Variants in ZFHX3 observed in about 807,000 individuals in gnomAD.
ZFHX3 encodes the protein zinc finger homeobox protein 3.
A neutral mutation model predicts 279.1 loss-of-function variants in ZFHX3; 42 were observed. That is an observed-to-expected ratio of 0.15 (90% CI 0.12 to 0.19). The LOEUF (loss-of-function observed/expected upper bound fraction) is 0.19. Ranked by LOEUF, ZFHX3 falls within the 10% of genes least tolerant of loss-of-function variation. The pLI is 1.00. For missense variants in ZFHX3, 4,981 were observed against 4,754.0 expected, an observed-to-expected ratio of 1.05 and a Z score of -1.40; for synonymous variants, 2,293 against 1,957.8, an observed-to-expected ratio of 1.17 and a Z score of -4.52.
chr16:73,101,825 C>T, intron 7 of ZFHX3, among the ~76,000 whole-genome samples: 1 of 151,968 alleles, frequency 6.6e-6, no homozygotes, highest in Non-Finnish European at 1.5e-5. Flanking sequence ...CCTTCCAGTC[C>T]TCTGCACCCA....
chr16:73,832,103 G>C (rs894042076), intron 1 of ZFHX3, among the ~76,000 whole-genome samples: 13 of 152,156 alleles, frequency 8.5e-5, no homozygotes, highest in Admixed American at 3.3e-4. Flanking sequence ...GTTTCACCAT[G>C]TTGGTCAGGC....
chr16:73,765,434 A>G (rs1040052348), intron 1 of ZFHX3, among the ~76,000 whole-genome samples: 1 of 152,228 alleles, frequency 6.6e-6, no homozygotes, highest in African/African-American at 2.4e-5. Flanking sequence ...CTACCTGTGA[A>G]GAGAATATCC....
chr16:73,887,280 A>G (rs531014447), intron 1 of ZFHX3, among the ~76,000 whole-genome samples: 2 of 152,196 alleles, frequency 1.3e-5, no homozygotes. Flanking sequence ...CAAACGAGAG[A>G]TTTTGGCAGG....
intron 1 of ZFHX3, among the ~76,000 whole-genome samples, chr16:73,842,845 C>T (rs1961348397): frequency 6.6e-6 from 1 of 152,164 alleles, no homozygotes; most frequent in South Asian, 2.1e-4. Flanking sequence ...CCACCGCCAC[C>T]TCCCATGCCC....
rs138659575 is a variant in ZFHX3 at position 73,226,422 on chromosome 16, G to A, written c.-1104+30625C>T. 1.9e-3 allele frequency among the ~76,000 whole-genome samples: 297 copies of A among 152,362 alleles called. 2 individuals carry two copies. Among genetic ancestry groups the A allele is most frequent in the African/African-American group, 6.7e-3 (278 of 41,598 alleles). On this transcript the variant is annotated intron_variant, in intron 5 of 17. Coordinates refer to the ZFHX3 transcript ENST00000641206. ...TAAAGCGCATGCTATTTTAAAAAGT[G>A]CGCTCCTGCTTTAGTCAACATTTAA...
chr16:73,055,651 G>A (rs141805015), intron 1 of ZFHX3, among the ~76,000 whole-genome samples: 1,549 of 151,290 alleles, frequency 0.01, 9 homozygotes, highest in Middle Eastern at 0.031. Context: ...GACTCCCCCA[G>A]TGAAGACACC....
At chr16:73,000,480 A>G (rs918454527) in intron 1 of ZFHX3, among the ~76,000 whole-genome samples, 2 of 152,198 alleles carry the variant, frequency 1.3e-5, no homozygotes, top group Non-Finnish European at 2.9e-5. Flanking sequence ...GCTCAACCCA[A>G]TAGAGTATCC....
intron 2 of ZFHX3, among the ~76,000 whole-genome samples, chr16:73,587,769 T>A (rs2051942706): frequency 6.6e-6 from 1 of 152,218 alleles, no homozygotes; most frequent in Non-Finnish European, 1.5e-5. Flanking sequence ...TAAAATGAAA[T>A]ATATCATGTA....
intron 1 of ZFHX3, among the ~76,000 whole-genome samples, chr16:73,876,855 A>T (rs548685213): frequency 4.1e-4 from 62 of 152,192 alleles, no homozygotes; most frequent in African/African-American, 1.4e-3. Flanking sequence ...CCACCTTCAC[A>T]CACAGACACA....
intron 3 of ZFHX3, among the ~76,000 whole-genome samples, chr16:72,944,415 C>G (rs1960562523): frequency 6.6e-6 from 1 of 152,152 alleles, no homozygotes; most frequent in Non-Finnish European, 1.5e-5. Context: ...GAAAAGAGCA[C>G]AAAATATCAA....
chr16:73,177,365 G>A (rs906307733), intron 5 of ZFHX3, among the ~76,000 whole-genome samples: 8 of 152,170 alleles, frequency 5.3e-5, no homozygotes, highest in East Asian at 1.9e-4. Context: ...GAAAACTTGC[G>A]GAACAAAAGA....
intron 3 of ZFHX3, among the ~76,000 whole-genome samples, chr16:72,920,072 C>A (rs893166975): frequency 3.3e-5 from 5 of 151,942 alleles, no homozygotes; most frequent in African/African-American, 1.2e-4. Context: ...GGATTACAGG[C>A]ATGAGCTACT....
intron 2 of ZFHX3, among the ~76,000 whole-genome samples, chr16:73,618,070 T>A (rs887177761): frequency 2.0e-5 from 3 of 152,302 alleles, no homozygotes; most frequent in African/African-American, 7.2e-5. Flanking sequence ...ATCCACAGGG[T>A]CTTCTTGTGC....
intron 9 of ZFHX3, among the ~76,000 whole-genome samples, chr16:72,792,123 CCAGAGAAGATGTGAGGA>C (rs914752651): frequency 1.3e-5 from 2 of 152,012 alleles, no homozygotes; most frequent in African/African-American, 2.4e-5. Context: ...ATGGCTGGAT[CCAGAGAAGATGTGAGGA>C]CAGAGAAGGA....
rs756496308 is a variant in ZFHX3 at position 72,796,391 on chromosome 16, G to A, written c.6291C>T (p.Phe2097=). 1.7e-5 allele frequency: 28 copies of A among 1,613,246 alleles called. No homozygotes were observed. Among genetic ancestry groups the A allele is most frequent in the Non-Finnish European group, 1.7e-6 (2 of 1,180,028 alleles). ...GCATCGTCTGCATCATCAGCGGCGA[G>A]AAGATGGGCAGCTCCATCGGCATGG... ...QLSMPMELPI[F]SPLMMQTMPL... Residue 2097 remains phenylalanine (F), a synonymous_variant, in exon 9 of 10, where the codon TTC becomes TTT. Coordinates refer to ENST00000268489, the MANE Select transcript of ZFHX3 (RefSeq NM_006885.4).
At position 73,873,575 on chromosome 16, in the gene ZFHX3, G is replaced by GA. The variant is rs58640251; in HGVS notation, c.-1608+18075dup. 9.0e-4 allele frequency among the ~76,000 whole-genome samples: 137 copies of GA among 151,722 alleles called. 1 individual carries two copies. The highest frequency in any genetic ancestry group is 3.4e-3 in the Middle Eastern group (1 of 294). Reference sequence around the variant, plus strand: ...TATCACTGTTTTTACTTTTTACAGAGAAAAAAAACATATTTACCTTTAACA... The same window carrying GA: ...TATCACTGTTTTTACTTTTTACAGAGAAAAAAAAACATATTTACCTTTAACA... On this transcript the variant is annotated intron_variant, in intron 1 of 17. Coordinates refer to the ZFHX3 transcript ENST00000641206.
At chr16:73,461,060 G>C (rs2018462958) in intron 2 of ZFHX3, among the ~76,000 whole-genome samples, 1 of 152,202 alleles carries the variant, frequency 6.6e-6, no homozygotes, top group African/African-American at 2.4e-5. Context: ...AACCTTGCCA[G>C]AATTTGGCAT....
chr16:73,309,443 T>C (rs989679187), intron 4 of ZFHX3, among the ~76,000 whole-genome samples: 3 of 152,228 alleles, frequency 2.0e-5, no homozygotes, highest in African/African-American at 7.2e-5. Context: ...TATCCCATGC[T>C]GTATATGAAC....
chr16:73,867,846 GGGCCTGT>G (rs1222725705), intron 1 of ZFHX3, among the ~76,000 whole-genome samples: 8 of 152,278 alleles, frequency 5.3e-5, no homozygotes, highest in African/African-American at 1.9e-4. Context: ...TCCCAGAGGT[GGGCCTGT>G]GGCCTCAGCT....
Sources: gnomAD v4.1 joint callset for allele counts (sites outside exome capture counted in the v4.1 genomes callset) on GRCh38, gnomAD v4.1.1 for gene constraint, MANE v1.5 for transcripts, NCBI Gene and HGNC (gene_info 2026-07-23, HGNC 2026-07-21) for gene names.